Variants in C12orf76 observed in about 807,000 individuals in gnomAD.
C12orf76 encodes the protein uncharacterized protein C12orf76.
A neutral mutation model predicts 6.8 loss-of-function variants in C12orf76; 6 were observed. That is an observed-to-expected ratio of 0.88 (90% CI 0.48 to 1.73). The LOEUF (loss-of-function observed/expected upper bound fraction) is 1.73. Ranked by LOEUF, C12orf76 falls within the 40% of genes most tolerant of loss-of-function variation. The probability of loss-of-function intolerance (pLI) is 0.01; values close to 1 mark genes in which losing one functional copy is unlikely to be tolerated. For synonymous variants in C12orf76, 56 were observed against 43.7 expected (o/e 1.28, Z -1.11); for missense variants, 99 against 98.2 (o/e 1.01, Z -0.03).
chr12:110,052,993 G>C (rs1156939907), upstream of C12orf76, among the ~76,000 whole-genome samples: 1 of 148,148 alleles, frequency 6.8e-6, no homozygotes, highest in East Asian at 2.0e-4. Context: ...ACAAGGTCAG[G>C]AGATCAAGAC....
At chr12:110,048,752 G>A (rs1892520441), upstream of C12orf76, 4 of 960,388 alleles carry the variant, frequency 4.2e-6, no homozygotes, top group Middle Eastern at 4.0e-4. Flanking sequence ...CGCGATTACC[G>A]TTCTGCTGTG....
At chr12:110,049,060 T>C (rs566300274), upstream of C12orf76, 1 of 152,398 alleles carries the variant, frequency 6.6e-6, no homozygotes, top group Admixed American at 6.5e-5. Context: ...AACGTACATT[T>C]GATGATTTTC....
chr12:110,050,465 G>A (rs368142126), upstream of C12orf76: 1 of 155,894 alleles, frequency 6.4e-6, no homozygotes, highest in Admixed American at 6.2e-5. Flanking sequence ...GATGATATAG[G>A]AGGTCAGCAC....
rs142170829 is a variant in C12orf76 at position 110,056,563 on chromosome 12, C to T, written n.664+626G>A. Among the ~76,000 whole-genome samples the T allele has an allele frequency of 3.9e-5, 6 of 151,992 alleles. No individual in the cohort carries two copies. The East Asian group carries it at 1.2e-3, about 29-fold the overall frequency. ...GAGTTCAAGACCAGCCTGGGCAACA[C>T]AGTAAGACTCCAGTCTCTTAAAAAG... On this transcript the variant is annotated intron_variant and non_coding_transcript_variant, in intron 4 of 4. Transcript: ENST00000309050.
chr12:110,048,076 C>T (rs570500670), intron 1 of C12orf76, among the ~76,000 whole-genome samples: 377 of 152,318 alleles, frequency 2.5e-3, no homozygotes, highest in Non-Finnish European at 4.0e-3. Flanking sequence ...TGGTGTGCGC[C>T]TGTAATCCCA....
chr12:110,070,258 A>T (rs929898924), upstream of C12orf76, among the ~76,000 whole-genome samples: 1 of 149,032 alleles, frequency 6.7e-6, no homozygotes, highest in African/African-American at 2.5e-5. Context: ...AAAGAAAAAG[A>T]AAAAGAAAAG....
chr12:110,051,969 T>C (rs1287739929), upstream of C12orf76, among the ~76,000 whole-genome samples: 3 of 145,584 alleles, frequency 2.1e-5, no homozygotes, highest in Non-Finnish European at 4.5e-5. Flanking sequence ...TGGAGTGCAG[T>C]GCAAGCTCCG....
intron 1 of C12orf76, among the ~76,000 whole-genome samples, chr12:110,047,982 G>A (rs922478881): frequency 6.6e-6 from 1 of 152,010 alleles, no homozygotes; most frequent in Non-Finnish European, 1.5e-5. Flanking sequence ...GAGCTTACTG[G>A]ACACCATGCC....
chr12:110,042,459 A>G lies in C12orf76; in HGVS notation c.134T>C (p.Val45Ala). ...GATGCTGAAAATGGTTCCCATCAAC[A>G]CTGCAAAGGGAAAACAGGTTACTTC... Reference protein sequence around the residue: ...PYAVLRGQNLVLMGTIFSILL... With the variant: ...PYAVLRGQNLALMGTIFSILL... Residue 45 changes from valine to alanine, a missense_variant and splice_region_variant, in exon 2 of 2, where the codon GTG becomes GCG. Physicochemically the swap from Val to Ala is moderately conservative, Grantham distance 64. Coordinates refer to ENST00000615315, the MANE Select transcript of C12orf76 (RefSeq NM_001389625.1). 3.7e-6 allele frequency: 6 copies of G among 1,606,088 alleles called. No homozygotes were observed. The highest frequency in any genetic ancestry group is 4.3e-6 in the Non-Finnish European group (5 of 1,172,636).
intron 1 of C12orf76, among the ~76,000 whole-genome samples, chr12:110,066,315 G>T (rs1335491178): frequency 7.5e-6 from 1 of 133,752 alleles, no homozygotes; most frequent in Non-Finnish European, 1.5e-5. Flanking sequence ...GTTGCAGTGA[G>T]CCAAGATCAT....
At position 110,063,891 on chromosome 12, in the gene C12orf76, A is replaced by C. The variant is rs372300380; in HGVS notation, n.380+1969T>G. ...CACTGCAGTCCAGCCTGGGCAACATAGCAAGACTCTGTCTCAAAACAAACA... is the reference window on the plus strand; with the variant it reads ...CACTGCAGTCCAGCCTGGGCAACATCGCAAGACTCTGTCTCAAAACAAACA... On this transcript the variant is annotated intron_variant and non_coding_transcript_variant, in intron 2 of 4. Transcript: ENST00000309050. Among the ~76,000 whole-genome samples, 4 of 152,188 alleles carry C rather than the reference A, an allele frequency of 2.6e-5. No homozygotes were observed. In the East Asian group the frequency reaches 7.8e-4, roughly 30 times the overall value.
upstream of C12orf76, chr12:110,048,565 T>C (rs964085418): frequency 5.4e-5 from 72 of 1,341,662 alleles, no homozygotes; most frequent in African/African-American, 1.0e-3. Flanking sequence ...CTCCCAGGTC[T>C]CTCTGCGTCG....
In C12orf76 at chr12:110,058,932, C is replaced by A. The variant is rs548843964; in HGVS notation, n.556+56G>T. Reference sequence around the variant, plus strand: ...ATTAACTTTTGCAATTCTTACTCCCCCCCACCAAAAAAATGAAAACAAAAA... The same window carrying A: ...ATTAACTTTTGCAATTCTTACTCCCACCCACCAAAAAAATGAAAACAAAAA... On this transcript the variant is annotated intron_variant and non_coding_transcript_variant, in intron 3 of 4. Transcript: ENST00000309050. The A allele has an allele frequency of 1.4e-4, 211 of 1,474,092 alleles. No homozygotes were observed. The African/African-American group carries it at 2.6e-3, about 18-fold the overall frequency. The allele number at this position is 1,474,092 out of a possible 1,614,324, so 91.3% of individuals were successfully genotyped here. A position where few individuals can be genotyped will look rare whatever the true frequency, so the allele number is the denominator to read the frequency against.
chr12:110,068,313 G>A (rs141727966), upstream of C12orf76, among the ~76,000 whole-genome samples: 199 of 145,740 alleles, frequency 1.4e-3, no homozygotes, highest in African/African-American at 4.8e-3. Flanking sequence ...AGAAGAAGAA[G>A]AAGAAGAAGA....
At chr12:110,050,741 G>A (rs921803611), upstream of C12orf76, 10 of 495,268 alleles carry the variant, frequency 2.0e-5, no homozygotes, top group Non-Finnish European at 3.2e-5. Flanking sequence ...AGCAGCCCTC[G>A]GGGGCTACTC....
intron 2 of C12orf76, among the ~76,000 whole-genome samples, chr12:110,060,966 C>T (rs1414671983): frequency 6.6e-6 from 1 of 151,458 alleles, no homozygotes; most frequent in Non-Finnish European, 1.5e-5. Flanking sequence ...GCCCGGGAGG[C>T]GGAGGATGCA....
intron 1 of C12orf76, among the ~76,000 whole-genome samples, chr12:110,043,037 G>A (rs754997227): frequency 2.0e-5 from 3 of 151,502 alleles, no homozygotes; most frequent in Admixed American, 6.6e-5. Flanking sequence ...CCGAGATTGC[G>A]CCACTAAGCG....
upstream of C12orf76, among the ~76,000 whole-genome samples, chr12:110,052,199 T>C (rs916673049): frequency 2.8e-5 from 4 of 143,706 alleles, no homozygotes; most frequent in African/African-American, 7.6e-5. Flanking sequence ...CCCGGCCTTC[T>C]TTTTTTTTTT....
chr12:110,057,079 AG>A, intron 4 of C12orf76: 1 of 716,614 alleles, frequency 1.4e-6, no homozygotes, highest in South Asian at 1.6e-5. Context: ...TGGAACCCTC[AG>A]GCTGCTTGTG....
Sources: allele counts gnomAD v4.1 joint callset (sites outside exome capture counted in the v4.1 genomes callset), GRCh38; gene constraint gnomAD v4.1.1; transcripts MANE v1.5; gene names NCBI Gene and HGNC (gene_info 2026-07-23, HGNC 2026-07-21).